The following PPP3CB variants were observed in gnomAD, a reference collection of about 807,000 sequenced individuals.
PPP3CB encodes serine/threonine-protein phosphatase 2B catalytic subunit beta isoform.
Under a neutral mutation model 66.4 loss-of-function variants are expected in PPP3CB, and 8 were observed. The observed-to-expected ratio is 0.12, with a 90% CI of 0.07 to 0.22. The LOEUF is 0.22. PPP3CB is among the 10% of genes least tolerant of loss of function. The pLI is 1.00. For synonymous variants in PPP3CB, 208 were observed against 221.2 expected, an observed-to-expected ratio of 0.94 and a Z score of 0.53; for missense variants, 319 against 642.5, an observed-to-expected ratio of 0.50 and a Z score of 5.44.
At chr10:73,447,314 A>G (rs76252158) in intron 10 of PPP3CB, among the ~76,000 whole-genome samples, 7,077 of 152,288 alleles carry the variant, frequency 0.046, 500 homozygotes, top group African/African-American at 0.15. Context: ...TGCTGTCTAC[A>G]ACTGATGTAG....
chr10:73,458,710 A>G (rs950198088), intron 9 of PPP3CB, among the ~76,000 whole-genome samples: 8 of 150,672 alleles, frequency 5.3e-5, no homozygotes, highest in Non-Finnish European at 8.8e-5. Context: ...ATTAAAATGT[A>G]TATTTATTAA....
intron 1 of PPP3CB, among the ~76,000 whole-genome samples, chr10:73,484,825 G>A (rs1160805760): frequency 6.6e-6 from 1 of 152,088 alleles, no homozygotes; most frequent in Admixed American, 6.5e-5. Context: ...GTCGAGGCAG[G>A]TGGATCACCT....
chr10:73,437,534 T>C lies in PPP3CB; in HGVS notation c.*708A>G, dbSNP rs2056087112. On this transcript the variant is annotated 3_prime_UTR_variant, in exon 14 of 14. Coordinates refer to ENST00000360663, the MANE Select transcript of PPP3CB (RefSeq NM_021132.4). ...TGTAATTCTTCATAATTTTGAAATT[T>C]AGAGGTTTTCTTCTTAAATCTCTGG... is the stretch of plus-strand genomic sequence containing the variant. The C allele has an allele frequency of 6.6e-6, 1 of 152,664 alleles. No individual in the cohort carries two copies. Among genetic ancestry groups the C allele is most frequent in the South Asian group, 2.1e-4 (1 of 4,834 alleles). 9.5% of individuals were successfully genotyped at this position (152,664 alleles called of 1,614,324 possible).
intron 1 of PPP3CB, among the ~76,000 whole-genome samples, chr10:73,491,928 T>C (rs1012002880): frequency 5.9e-5 from 9 of 151,756 alleles, no homozygotes; most frequent in South Asian, 4.2e-4. Context: ...GATTGCGCCA[T>C]TGCACTCCAG....
At position 73,495,854 on chromosome 10, in the gene PPP3CB, G is replaced by A. The variant is rs753615181; in HGVS notation, c.36C>T (p.Pro12=). The A allele has an allele frequency of 6.8e-7, 1 of 1,463,000 alleles. No individual in the cohort carries two copies. The allele number at this position is 1,463,000 out of a possible 1,614,324, so 90.6% of individuals were successfully genotyped here. A position where few individuals can be genotyped will look rare whatever the true frequency, so the allele number is the denominator to read the frequency against. ...GAGGGGGCGGCGGGGGCGGGGGTGGGGGCGGTGCAGCCCGGGCCGGCTCCG... is the reference window on the plus strand; with the variant it reads ...GAGGGGGCGGCGGGGGCGGGGGTGGAGGCGGTGCAGCCCGGGCCGGCTCCG... ...AAPEPARAAP[P]PPPPPPPPPG... is the part of the protein sequence containing the mutation. Residue 12 remains proline, a synonymous_variant, in exon 1 of 14, where the codon CCC becomes CCT. Transcript: ENST00000360663.
intron 1 of PPP3CB, among the ~76,000 whole-genome samples, chr10:73,484,770 G>A (rs956432093): frequency 3.9e-5 from 6 of 152,014 alleles, no homozygotes; most frequent in African/African-American, 1.2e-4. Flanking sequence ...CTACAAAATC[G>A]GCTGGGCGTG....
intron 12 of PPP3CB, 126 bp downstream of exon 12, chr10:73,444,599 G>A: frequency 6.4e-7 from 1 of 1,553,462 alleles, no homozygotes; most frequent in Non-Finnish European, 8.7e-7. Flanking sequence ...CCCTGTCTAG[G>A]TCAGCTGCTG....
intron 12 of PPP3CB, among the ~76,000 whole-genome samples, chr10:73,440,766 G>A (rs1564545889): frequency 6.6e-6 from 1 of 152,130 alleles, no homozygotes; most frequent in Non-Finnish European, 1.5e-5. Flanking sequence ...AGGTCTTACA[G>A]GCATAAATTC....
At chr10:73,475,969 A>C (rs1423008380) in intron 3 of PPP3CB, among the ~76,000 whole-genome samples, 1 of 151,084 alleles carries the variant, frequency 6.6e-6, no homozygotes, top group Non-Finnish European at 1.5e-5. Flanking sequence ...AAATCCTCCT[A>C]CCTCAGTCTC....
chr10:73,495,157 T>A (rs957245137), intron 1 of PPP3CB, among the ~76,000 whole-genome samples: 1 of 150,988 alleles, frequency 6.6e-6, no homozygotes, highest in African/African-American at 2.4e-5. Flanking sequence ...TCCACAAGAA[T>A]TTTTTTTTTC....
At position 73,485,910 on chromosome 10, in the gene PPP3CB, G is replaced by GTC. The variant is rs1375896611; in HGVS notation, c.86-6394_86-6393insGA. ...CACACACCACCACACCTGGCTAATTGTGTGTGTGTGTGTGTGTGTGTGTGT... is the reference window on the plus strand; with the variant it reads ...CACACACCACCACACCTGGCTAATTGTCTGTGTGTGTGTGTGTGTGTGTGTGT... On this transcript the variant is annotated intron_variant, in intron 1 of 13. Transcript: ENST00000360663. Among the ~76,000 whole-genome samples, 9 of 67,166 alleles carry GTC rather than the reference G, an allele frequency of 1.3e-4. No homozygotes were observed. The East Asian group carries it at 5.1e-3, about 38-fold the overall frequency. The allele number at this position is 67,166 out of a possible 152,430, so 44.1% of individuals were successfully genotyped here. A position where few individuals can be genotyped will look rare whatever the true frequency, so the allele number is the denominator to read the frequency against.
chr10:73,439,076 T>C (rs1222131378), intron 13 of PPP3CB, among the ~76,000 whole-genome samples: 3 of 152,238 alleles, frequency 2.0e-5, no homozygotes, highest in Non-Finnish European at 4.4e-5. Context: ...TTGGCCATAC[T>C]GCACAGTCTT....
intron 4 of PPP3CB, among the ~76,000 whole-genome samples, chr10:73,473,972 G>A (rs1252044293): frequency 6.6e-6 from 1 of 152,132 alleles, no homozygotes; most frequent in Admixed American, 6.5e-5. Context: ...CAAGATTGAA[G>A]GACAAAAATC....
At chr10:73,474,825 C>A in intron 4 of PPP3CB, 94 bp downstream of exon 4, 2 of 1,491,724 alleles carry the variant, frequency 1.3e-6, no homozygotes, top group Non-Finnish European at 1.8e-6. Flanking sequence ...TCTGTCCTTA[C>A]ATGTTGCACT....
intron 12 of PPP3CB, among the ~76,000 whole-genome samples, chr10:73,441,431 T>TC (rs143066046): frequency 6.6e-6 from 1 of 151,224 alleles, no homozygotes; most frequent in African/African-American, 2.4e-5. Context: ...AGACCTCATC[T>TC]CCCCCCAAAA....
chr10:73,474,205 G>C (rs1166206060), intron 4 of PPP3CB, among the ~76,000 whole-genome samples: 1 of 148,078 alleles, frequency 6.8e-6, no homozygotes. Flanking sequence ...ACCACGCCTG[G>C]CTAATTTTTG....
intron 10 of PPP3CB, among the ~76,000 whole-genome samples, chr10:73,447,095 T>C (rs572296189): frequency 6.6e-6 from 1 of 152,312 alleles, no homozygotes; most frequent in African/African-American, 2.4e-5. Context: ...TGGTCTAAAA[T>C]GAATGGCATG....
chr10:73,488,376 T>C (rs1280318518), intron 1 of PPP3CB, among the ~76,000 whole-genome samples: 4 of 151,732 alleles, frequency 2.6e-5, no homozygotes, highest in South Asian at 2.1e-4. Flanking sequence ...GAGACCTCTG[T>C]CTCCATAAAA....
At chr10:73,443,923 C>G (rs150648212) in intron 12 of PPP3CB, 1 of 152,360 alleles carries the variant, frequency 6.6e-6, no homozygotes, top group African/African-American at 2.4e-5. Flanking sequence ...CATTCATGTT[C>G]AGAATGCACA....
Sources: allele counts gnomAD v4.1 joint callset (sites outside exome capture counted in the v4.1 genomes callset), GRCh38; gene constraint gnomAD v4.1.1; transcripts MANE v1.5; gene names NCBI Gene and HGNC (gene_info 2026-07-23, HGNC 2026-07-21).